The following TMTC1 variants were observed in gnomAD, a reference collection of about 807,000 sequenced individuals.
TMTC1 encodes the protein protein O-mannosyl-transferase TMTC1.
TMTC1 carries 73 observed loss-of-function variants against 104.8 expected under a neutral mutation model. That is an observed-to-expected ratio of 0.70 (90% CI 0.58 to 0.85). TMTC1 has a LOEUF of 0.85. Ranked by LOEUF, TMTC1 falls within the 40% of genes least tolerant of loss-of-function variation. The pLI, the probability that TMTC1 is intolerant of heterozygous loss-of-function variation, is 0.00. For synonymous variants in TMTC1, 434 were observed against 428.7 expected (o/e 1.01, Z -0.15); for missense variants, 1,035 against 1,096.1 (o/e 0.94, Z 0.79).
upstream of TMTC1, chr12:29,784,442 C>T (rs1237381828): frequency 6.6e-6 from 1 of 152,276 alleles, no homozygotes; most frequent in Non-Finnish European, 1.5e-5. Flanking sequence ...CTGTGCTCTC[C>T]TGCCCGGGCT....
intron 6 of TMTC1, among the ~76,000 whole-genome samples, chr12:29,611,315 G>A (rs1176066974): frequency 6.6e-6 from 1 of 152,112 alleles, no homozygotes. Flanking sequence ...ATTAAGTGAG[G>A]AGGAATCATG....
chr12:29,511,460 G>A (rs552824246), intron 17 of TMTC1, among the ~76,000 whole-genome samples: 10 of 152,192 alleles, frequency 6.6e-5, no homozygotes, highest in African/African-American at 1.2e-4. Context: ...GAATGATGGC[G>A]AATCGTTCAT....
upstream of TMTC1, chr12:29,784,616 C>T (rs1034966397): frequency 6.6e-6 from 1 of 152,260 alleles, no homozygotes; most frequent in Non-Finnish European, 1.5e-5. Flanking sequence ...CTTTACAGCC[C>T]CTTTCTTGGC....
intron 7 of TMTC1, among the ~76,000 whole-genome samples, chr12:29,593,905 C>G (rs780372664): frequency 6.6e-6 from 1 of 152,188 alleles, no homozygotes; most frequent in African/African-American, 2.4e-5. Context: ...GCTTCATAAG[C>G]GTAGTTGAAC....
At chr12:29,610,411 TG>T (rs1362566201) in intron 6 of TMTC1, among the ~76,000 whole-genome samples, 1 of 152,174 alleles carries the variant, frequency 6.6e-6, no homozygotes. Flanking sequence ...ATCTGGCAAA[TG>T]GGGTTGAAAC....
intron 5 of TMTC1, among the ~76,000 whole-genome samples, chr12:29,665,040 C>T (rs918231396): frequency 2.0e-5 from 3 of 151,960 alleles, no homozygotes; most frequent in Admixed American, 2.0e-4. Flanking sequence ...AATGTTAGAC[C>T]AAATGGTCTC....
At chr12:29,779,629 C>T (rs1943788368) in intron 1 of TMTC1, among the ~76,000 whole-genome samples, 1 of 152,162 alleles carries the variant, frequency 6.6e-6, no homozygotes, top group Non-Finnish European at 1.5e-5. Flanking sequence ...AAATTTCTAG[C>T]TCTCAGTATG....
intron 5 of TMTC1, among the ~76,000 whole-genome samples, chr12:29,741,210 G>C (rs302324): frequency 1 from 152,211 of 152,296 alleles, 76,063 homozygotes; most frequent in Middle Eastern, 1. Flanking sequence ...ACTTAAGTAG[G>C]CAAAAATTAA....
chr12:29,777,595 C>T (rs900512584), intron 1 of TMTC1, among the ~76,000 whole-genome samples: 1 of 132,296 alleles, frequency 7.6e-6, no homozygotes, highest in African/African-American at 2.7e-5. Flanking sequence ...TCTGTCCCTC[C>T]TACACTACCA....
At chr12:29,638,607 G>A (rs999479672) in intron 5 of TMTC1, among the ~76,000 whole-genome samples, 5 of 152,202 alleles carry the variant, frequency 3.3e-5, no homozygotes, top group African/African-American at 1.2e-4. Flanking sequence ...AGACGGCAAA[G>A]CTGAAAGAGC....
At chr12:29,566,239 A>G (rs1565675118) in intron 9 of TMTC1, among the ~76,000 whole-genome samples, 1 of 152,024 alleles carries the variant, frequency 6.6e-6, no homozygotes, top group Non-Finnish European at 1.5e-5. Context: ...AGAACGCAGA[A>G]CCCCTGAAAC....
At chr12:29,520,786 T>C (rs1392467681) in intron 11 of TMTC1, 66 bp from the exon 12 acceptor site, 2 of 1,327,208 alleles carry the variant, frequency 1.5e-6, no homozygotes, top group Non-Finnish European at 2.1e-6. Flanking sequence ...TAACTGAATA[T>C]TAGGAGCAGG....
At chr12:29,647,619 G>T (rs1939327899) in intron 5 of TMTC1, among the ~76,000 whole-genome samples, 1 of 152,156 alleles carries the variant, frequency 6.6e-6, no homozygotes, top group Admixed American at 6.5e-5. Flanking sequence ...GAACGTGGAA[G>T]ATGTTGCGTT....
rs1377703709 is a variant in TMTC1, at chr12:29,783,595, C to G, written c.157G>C (p.Asp53His). 6 of 1,477,748 alleles carry G rather than the reference C, an allele frequency of 4.1e-6. No homozygotes were observed. The highest frequency in any genetic ancestry group is 5.4e-6 in the Non-Finnish European group (6 of 1,118,022). 91.5% of individuals were successfully genotyped at this position (1,477,748 alleles called of 1,614,324 possible). ...GGGTTGTTCACGATCGCCCACACGT[C>G]GTCGTGCACGAACTCGCCCTGCAGG... ...RSLQGEFVHD[D>H]VWAIVNNPDV... Residue 53 changes from aspartate to histidine, a missense_variant, in exon 1 of 18, where the codon GAC becomes CAC. Coordinates refer to ENST00000539277, the MANE Select transcript of TMTC1 (RefSeq NM_001193451.2). This position sits in a 1 kb window ranked among gnomAD's most constrained non-coding sequence, Gnocchi z 4.7.
chr12:29,548,439 C>A (rs191935857), intron 10 of TMTC1, among the ~76,000 whole-genome samples: 3 of 152,046 alleles, frequency 2.0e-5, no homozygotes, highest in African/African-American at 7.3e-5. Context: ...TGAGAGGGAC[C>A]CGGTGGGAAG....
intron 2 of TMTC1, among the ~76,000 whole-genome samples, chr12:29,760,645 G>A (rs1055622655): frequency 3.3e-5 from 5 of 151,968 alleles, no homozygotes; most frequent in South Asian, 4.1e-4. Context: ...TAGCAGGGAC[G>A]TATAACCTGA....
intron 13 of TMTC1, 23 bp from the exon 14 acceptor site, chr12:29,517,594 T>C: frequency 1.2e-6 from 2 of 1,613,950 alleles, no homozygotes; most frequent in Non-Finnish European, 1.7e-6. Context: ...AAAATCTAAA[T>C]GACATTTCTC....
chr12:29,520,681 T>G lies in TMTC1; in HGVS notation c.1825A>C (p.Ile609Leu). Reference protein sequence around the residue: ...KEAEEIYQTGIKNCPDSSDLH... With the variant: ...KEAEEIYQTGLKNCPDSSDLH... ...TCTGAGCTGTCTGGACAGTTCTTTATTCCAGTTTGGTATATTTCTTCAGCT... is the reference window on the plus strand; with the variant it reads ...TCTGAGCTGTCTGGACAGTTCTTTAGTCCAGTTTGGTATATTTCTTCAGCT... The change falls in exon 12 of 18, where the codon ATA (isoleucine) becomes CTA (leucine). Residue 609 changes from isoleucine to leucine, a missense_variant. By Grantham distance (5) the Ile-to-Leu change is conservative (BLOSUM62 2). Transcript: ENST00000539277. 1.2e-6 allele frequency: 2 copies of G among 1,613,588 alleles called. No homozygotes were observed. The highest frequency in any genetic ancestry group is 1.7e-6 in the Non-Finnish European group (2 of 1,179,894).
chr12:29,612,088 C>A (rs1307725561), intron 6 of TMTC1, among the ~76,000 whole-genome samples: 1 of 152,122 alleles, frequency 6.6e-6, no homozygotes, highest in Non-Finnish European at 1.5e-5. Flanking sequence ...GTCCTCTTCC[C>A]ACAGTCCACG....
Sources: allele counts gnomAD v4.1 joint callset (sites outside exome capture counted in the v4.1 genomes callset), GRCh38; gene constraint gnomAD v4.1.1; non-coding constraint Gnocchi (gnomAD v3.1); transcripts MANE v1.5; gene names NCBI Gene and HGNC (gene_info 2026-07-23, HGNC 2026-07-21).